The following FREM1 variants were observed in gnomAD, a reference collection of about 807,000 sequenced individuals.
FREM1 encodes FRAS1 related extracellular matrix 1.
A neutral mutation model predicts 210.1 loss-of-function variants in FREM1; 220 were observed. The ratio of observed to expected loss-of-function variants is 1.05; its 90% CI spans 0.94 to 1.17. The LOEUF (loss-of-function observed/expected upper bound fraction) is 1.17, where lower values mean the gene tolerates loss of function less well. Among genes scored for constraint, FREM1 ranks in the 50% most tolerant of loss-of-function variants. The pLI is 0.00. For synonymous variants in FREM1, 1,189 were observed against 980.2 expected (o/e 1.21, Z -3.98); for missense variants, 3,454 against 2,675.5 (o/e 1.29, Z -6.42).
chr9:14,809,150 G>A (rs900102921), intron 16 of FREM1, among the ~76,000 whole-genome samples: 1 of 152,180 alleles, frequency 6.6e-6, no homozygotes, highest in African/African-American at 2.4e-5. Context: ...TTTTAAAAAT[G>A]GGAGTTTCCC....
At chr9:14,888,936 A>C (rs1373484072) in intron 1 of FREM1, among the ~76,000 whole-genome samples, 2 of 152,212 alleles carry the variant, frequency 1.3e-5, no homozygotes, top group East Asian at 1.9e-4. Flanking sequence ...TATCCTTTTC[A>C]ATACCCCCAA....
At chr9:14,738,333 G>GA (rs1307377669) in intron 36 of FREM1, among the ~76,000 whole-genome samples, 1 of 151,834 alleles carries the variant, frequency 6.6e-6, no homozygotes, top group East Asian at 1.9e-4. Flanking sequence ...AATCAAATTT[G>GA]ACCATGAAAA....
At chr9:14,809,507 C>G (rs887250113) in intron 16 of FREM1, among the ~76,000 whole-genome samples, 1 of 152,072 alleles carries the variant, frequency 6.6e-6, no homozygotes, top group Non-Finnish European at 1.5e-5. Flanking sequence ...ATTGAGCAAC[C>G]AAGTGTTCAA....
intron 1 of FREM1, among the ~76,000 whole-genome samples, chr9:14,893,257 C>T (rs987720081): frequency 2.0e-5 from 3 of 152,152 alleles, no homozygotes; most frequent in East Asian, 1.9e-4. Context: ...AAAAAGAATT[C>T]GTGAGGCTAG....
chr9:14,850,218 A>G (rs894553936), intron 6 of FREM1, among the ~76,000 whole-genome samples: 1 of 152,144 alleles, frequency 6.6e-6, no homozygotes, highest in African/African-American at 2.4e-5. Context: ...CACTAACTAC[A>G]AAACAGAGGA....
At chr9:14,878,975 G>T (rs1453083527) in intron 1 of FREM1, among the ~76,000 whole-genome samples, 1 of 152,018 alleles carries the variant, frequency 6.6e-6, no homozygotes, top group East Asian at 1.9e-4. Context: ...GGCCATCACG[G>T]TGAAACCCCT....
intron 23 of FREM1, among the ~76,000 whole-genome samples, chr9:14,786,255 G>A (rs1587965364): frequency 6.6e-6 from 1 of 152,164 alleles, no homozygotes; most frequent in African/African-American, 2.4e-5. Flanking sequence ...CAAGCCATCT[G>A]AGCCCAGAGC....
At chr9:14,830,427 G>T (rs1426923157) in intron 10 of FREM1, among the ~76,000 whole-genome samples, 3 of 152,148 alleles carry the variant, frequency 2.0e-5, no homozygotes, top group Non-Finnish European at 4.4e-5. Context: ...GGGATTGGGT[G>T]TTTAATAATG....
intron 27 of FREM1, among the ~76,000 whole-genome samples, chr9:14,767,958 A>G (rs771485892): frequency 1.3e-5 from 2 of 152,210 alleles, no homozygotes; most frequent in East Asian, 3.8e-4. Context: ...TTAATAGCCA[A>G]CAAAAGCAGG....
intron 1 of FREM1, among the ~76,000 whole-genome samples, chr9:14,881,238 T>C (rs1156893076): frequency 6.6e-6 from 1 of 152,214 alleles, no homozygotes; most frequent in East Asian, 1.9e-4. Flanking sequence ...AAGACTTTGA[T>C]TCAGAGTCAA....
chr9:14,792,640 T>C lies in FREM1; in HGVS notation c.3981+103A>G, dbSNP rs1370842100. On this transcript the variant is annotated intron_variant, in intron 22 of 36. Coordinates refer to ENST00000380880, the MANE Select transcript of FREM1 (RefSeq NM_001379081.2). ...ATTAAATTTTCTACTTCTAGGCAAA[T>C]ATATGTCTATCAGAGAATAAATCCC... is the stretch of plus-strand genomic sequence containing the variant. 7 of 871,006 alleles carry C rather than the reference T, an allele frequency of 8.0e-6. No individual in the cohort carries two copies. The East Asian group carries it at 1.7e-4, about 21-fold the overall frequency. The allele number at this position is 871,006 out of a possible 1,614,324, so 54.0% of individuals were successfully genotyped here. A position where few individuals can be genotyped will look rare whatever the true frequency, so the allele number is the denominator to read the frequency against.
In FREM1 at chr9:14,746,974, C is replaced by T. The variant is rs1283015778; in HGVS notation, c.6087G>A (p.Lys2029=). ...GLFHFEEGIQ[K]LYQCNGIAWK... is the part of the protein sequence containing the mutation. ...AGGCGATCCCATTGCACTGATACAG[C>T]TTCTGGATGCCTTCTTCAAAATGGA... The change falls in exon 34 of 37, where the codon AAG becomes AAA. Residue 2029 remains lysine (K), a synonymous_variant. Coordinates refer to ENST00000380880, the MANE Select transcript of FREM1 (RefSeq NM_001379081.2). 1.2e-6 allele frequency: 2 copies of T among 1,613,374 alleles called. No homozygotes were observed. The highest frequency in any genetic ancestry group is 1.7e-6 in the Non-Finnish European group (2 of 1,179,674).
Position 14,755,761 on chromosome 9 carries a change from C to T in FREM1, c.5407+613G>A, listed in dbSNP as rs1358383399. On this transcript the variant is annotated intron_variant, in intron 29 of 36. Transcript: ENST00000380880. ...TCTCTTAGCCTGAACAACAGCTCAT[C>T]TTTTGGGTCCCAGTGCACTATCAGT... 1.3e-5 allele frequency among the ~76,000 whole-genome samples: 2 copies of T among 152,244 alleles called. 1 individual carries two copies. Among genetic ancestry groups the T allele is most frequent in the African/African-American group, 4.8e-5 (2 of 41,456 alleles).
At chr9:14,747,217 A>G in intron 33 of FREM1, 47 bp downstream of exon 33, 2 of 1,595,646 alleles carry the variant, frequency 1.3e-6, no homozygotes, top group Non-Finnish European at 1.7e-6. Flanking sequence ...CTGGCCCAGC[A>G]AACAACTTGT....
chr9:14,765,253 T>C (rs1181159158), intron 27 of FREM1, among the ~76,000 whole-genome samples: 2 of 152,218 alleles, frequency 1.3e-5, no homozygotes, highest in African/African-American at 4.8e-5. Context: ...TTTTCATTTT[T>C]CTCTTTTTCT....
At chr9:14,827,343 C>T (rs1037297799) in intron 10 of FREM1, among the ~76,000 whole-genome samples, 10 of 152,276 alleles carry the variant, frequency 6.6e-5, no homozygotes, top group African/African-American at 2.2e-4. Context: ...AAGAACTTGG[C>T]TAAATGGTGC....
At chr9:14,875,074 G>C (rs187943376) in intron 1 of FREM1, among the ~76,000 whole-genome samples, 1 of 152,118 alleles carries the variant, frequency 6.6e-6, no homozygotes, top group Non-Finnish European at 1.5e-5. Context: ...TGGATAACCC[G>C]ACCTTTCTCT....
At chr9:14,905,980 G>C (rs184902160) in intron 1 of FREM1, among the ~76,000 whole-genome samples, 30 of 151,974 alleles carry the variant, frequency 2.0e-4, no homozygotes, top group Admixed American at 1.5e-3. Flanking sequence ...GTTGAGATCT[G>C]TTCTCCCCAG....
At chr9:14,857,471 G>T (rs1828981948) in intron 5 of FREM1, 82 bp downstream of exon 5, 7 of 1,174,020 alleles carry the variant, frequency 6.0e-6, no homozygotes, top group Admixed American at 1.7e-5. Context: ...TCCCTGGCAT[G>T]GGGGCGAGCA....
Sources: gnomAD v4.1 joint callset for allele counts (sites outside exome capture counted in the v4.1 genomes callset) on GRCh38, gnomAD v4.1.1 for gene constraint, MANE v1.5 for transcripts, NCBI Gene and HGNC (gene_info 2026-07-23, HGNC 2026-07-21) for gene names.